CDC42BPA: variants seen among roughly 807,000 people sequenced by gnomAD.
CDC42BPA encodes serine/threonine-protein kinase MRCK alpha.
Under a neutral mutation model 223.5 loss-of-function variants are expected in CDC42BPA, and 80 were observed. The observed-to-expected ratio is 0.36, with a 90% CI of 0.30 to 0.43. The LOEUF (loss-of-function observed/expected upper bound fraction) is 0.43, where lower values mean the gene tolerates loss of function less well. Ranked by LOEUF, CDC42BPA falls within the 20% of genes least tolerant of loss-of-function variation. The probability of loss-of-function intolerance (pLI) is 1.00; values close to 1 mark genes in which losing one functional copy is unlikely to be tolerated. For synonymous variants in CDC42BPA, 694 were observed against 718.6 expected (o/e 0.97, Z 0.55); for missense variants, 1,743 against 2,099.9 (o/e 0.83, Z 3.32).
At chr1:227,263,582 A>T (rs867399886) in intron 1 of CDC42BPA, among the ~76,000 whole-genome samples, 8,428 of 135,112 alleles carry the variant, frequency 0.062, 256 homozygotes, top group Non-Finnish European at 0.077. Context: ...TTGAGAATCA[A>T]TTTTTTTTTT....
chr1:227,040,526 A>C (rs1387002968), intron 23 of CDC42BPA, among the ~76,000 whole-genome samples: 1 of 152,216 alleles, frequency 6.6e-6, no homozygotes, highest in Non-Finnish European at 1.5e-5. Context: ...CATAAATCTT[A>C]GCTTCAGAAT....
At chr1:227,201,132 A>C (rs1489030513) in intron 3 of CDC42BPA, among the ~76,000 whole-genome samples, 2 of 77,750 alleles carry the variant, frequency 2.6e-5, no homozygotes, top group African/African-American at 8.5e-5. Flanking sequence ...ATATGAACAA[A>C]AATAAAAAAA....
intron 35 of CDC42BPA, among the ~76,000 whole-genome samples, chr1:226,996,430 C>T (rs1661618001): frequency 6.6e-6 from 1 of 152,160 alleles, no homozygotes; most frequent in Non-Finnish European, 1.5e-5. Context: ...ATTTGACTTC[C>T]TCTCTTCCTA....
At chr1:227,048,052 C>A (rs1432555673) in intron 22 of CDC42BPA, 42 bp from the exon 23 acceptor site, 3 of 1,176,406 alleles carry the variant, frequency 2.6e-6, no homozygotes, top group Non-Finnish European at 3.7e-6. Context: ...TCATGAAACA[C>A]TCCATTAATT....
At chr1:227,009,708 G>A (rs1434027723) in intron 34 of CDC42BPA, among the ~76,000 whole-genome samples, 2 of 152,040 alleles carry the variant, frequency 1.3e-5, no homozygotes, top group African/African-American at 4.8e-5. Context: ...GAGCCATCAT[G>A]CCCAGTGAAA....
At chr1:227,231,824 T>C (rs1678031715) in intron 2 of CDC42BPA, among the ~76,000 whole-genome samples, 1 of 152,230 alleles carries the variant, frequency 6.6e-6, no homozygotes, top group Non-Finnish European at 1.5e-5. Context: ...CACTTTTTGA[T>C]GGGGTTGTTT....
At chr1:227,299,374 A>G (rs934498156) in intron 1 of CDC42BPA, among the ~76,000 whole-genome samples, 23 of 152,306 alleles carry the variant, frequency 1.5e-4, no homozygotes, top group East Asian at 7.7e-4. Context: ...GCTGGAGGGA[A>G]AATTCCTTTG....
intron 1 of CDC42BPA, among the ~76,000 whole-genome samples, chr1:227,288,468 G>A (rs1157598505): frequency 6.6e-6 from 1 of 152,154 alleles, no homozygotes; most frequent in African/African-American, 2.4e-5. Context: ...GGAGGCCAAG[G>A]CAAGTGGATT....
At chr1:227,047,808 T>A in intron 23 of CDC42BPA, 119 bp downstream of exon 23, 1 of 605,532 alleles carries the variant, frequency 1.7e-6, no homozygotes, top group South Asian at 2.2e-5. Context: ...TAATTTATTT[T>A]ATAAGTTTTT....
At position 227,129,269 on chromosome 1, in the gene CDC42BPA, A is replaced by G. The variant is rs368029717; in HGVS notation, c.1391-38T>C. Reference sequence around the variant, plus strand: ...GGATAAAAGAAATAAAAATATCACCATACTCTAAATTCTTAAAACTAATAA... The same window carrying G: ...GGATAAAAGAAATAAAAATATCACCGTACTCTAAATTCTTAAAACTAATAA... On this transcript the variant is annotated intron_variant, in intron 10 of 36. Transcript: ENST00000366766. 14 of 1,414,666 alleles carry G rather than the reference A, an allele frequency of 9.9e-6. No individual in the cohort carries two copies. In the African/African-American group the frequency reaches 2.1e-4, roughly 21 times the overall value. 87.6% of individuals were successfully genotyped at this position (1,414,666 alleles called of 1,614,324 possible).
At chr1:227,159,358 T>C (rs529776894) in intron 6 of CDC42BPA, among the ~76,000 whole-genome samples, 669 of 152,156 alleles carry the variant, frequency 4.4e-3, no homozygotes, top group Non-Finnish European at 6.8e-3. Context: ...GTGGTGGTGC[T>C]TGCCTGTATC....
At chr1:227,140,722 G>A (rs1423208784) in intron 9 of CDC42BPA, among the ~76,000 whole-genome samples, 1 of 152,178 alleles carries the variant, frequency 6.6e-6, no homozygotes, top group Non-Finnish European at 1.5e-5. Flanking sequence ...GACATGTTCT[G>A]ATTATCTTTT....
At chr1:227,304,880 A>C (rs1692285608) in intron 1 of CDC42BPA, among the ~76,000 whole-genome samples, 1 of 152,218 alleles carries the variant, frequency 6.6e-6, no homozygotes, top group South Asian at 2.1e-4. Flanking sequence ...ACATTTGTTA[A>C]AACTCACAAT....
intron 10 of CDC42BPA, among the ~76,000 whole-genome samples, chr1:227,134,073 A>G (rs1370042025): frequency 6.6e-6 from 1 of 152,202 alleles, no homozygotes; most frequent in Non-Finnish European, 1.5e-5. Context: ...TCATCTGTAC[A>G]GCTTACTACT....
intron 5 of CDC42BPA, among the ~76,000 whole-genome samples, chr1:227,179,135 G>A (rs1259451443): frequency 2.0e-5 from 3 of 152,198 alleles, no homozygotes; most frequent in Non-Finnish European, 4.4e-5. Context: ...CAAATCTACA[G>A]AGATAGAAGG....
In CDC42BPA at chr1:227,080,943, C is replaced by T; in HGVS notation, c.2430G>A (p.Lys810=). The T allele has an allele frequency of 6.2e-7, 1 of 1,613,828 alleles. No homozygotes were observed. Among genetic ancestry groups the T allele is most frequent in the Non-Finnish European group, 8.5e-7 (1 of 1,179,868 alleles). The change falls in exon 17 of 37, where the codon AAG becomes AAA. Residue 810 remains lysine, a synonymous_variant. Transcript: ENST00000366766. ...LEEEVKDLAD[K]KESVAHWEAQ... ...CTTCCCAATGTGCAACTGATTCTTT[C>T]TTGTCTGCTAGATCTTTAACCTCTT...
chr1:227,247,854 C>G (rs534385969), intron 2 of CDC42BPA, among the ~76,000 whole-genome samples: 1 of 152,098 alleles, frequency 6.6e-6, no homozygotes, highest in Non-Finnish European at 1.5e-5. Flanking sequence ...TGCACTCCAA[C>G]CTGGGTGACA....
intron 3 of CDC42BPA, among the ~76,000 whole-genome samples, chr1:227,211,929 T>C (rs1206931237): frequency 6.6e-6 from 1 of 152,052 alleles, no homozygotes; most frequent in Admixed American, 6.6e-5. Context: ...AAAAAAAATG[T>C]TTAATGAAGA....
chr1:227,176,877 T>G (rs2149993463), intron 5 of CDC42BPA, among the ~76,000 whole-genome samples: 1 of 152,220 alleles, frequency 6.6e-6, no homozygotes, highest in South Asian at 2.1e-4. Context: ...TTTTCTAGGG[T>G]ATTATAAATC....
Sources: gnomAD v4.1 joint callset for allele counts (sites outside exome capture counted in the v4.1 genomes callset) on GRCh38, gnomAD v4.1.1 for gene constraint, MANE v1.5 for transcripts, NCBI Gene and HGNC (gene_info 2026-07-23, HGNC 2026-07-21) for gene names.